Variants in NRG1 observed in about 807,000 individuals in gnomAD.
NRG1 encodes the protein pro-neuregulin-1, membrane-bound isoform.
A neutral mutation model predicts 63.8 loss-of-function variants in NRG1; 18 were observed. The observed-to-expected ratio is 0.28, with a 90% CI of 0.19 to 0.42. The LOEUF is 0.42. NRG1 is among the 10% of genes least tolerant of loss of function. The probability of loss-of-function intolerance (pLI) is 1.00; values close to 1 mark genes in which losing one functional copy is unlikely to be tolerated. For missense variants in NRG1, 762 were observed against 814.7 expected (o/e 0.94, Z 0.79); for synonymous variants, 302 against 301.3 (o/e 1.00, Z -0.02).
At chr8:32,584,254 A>G (rs1279011564) in intron 1 of NRG1, among the ~76,000 whole-genome samples, 1 of 152,054 alleles carries the variant, frequency 6.6e-6, no homozygotes, top group Non-Finnish European at 1.5e-5. Flanking sequence ...GTTTAATTTG[A>G]TTTTGGTTAT....
chr8:32,042,961 A>AGTGTGTGTGTGAGT (rs1554609383), intron 1 of NRG1, among the ~76,000 whole-genome samples: 7 of 140,008 alleles, frequency 5.0e-5, no homozygotes, highest in African/African-American at 1.8e-4. Context: ...GAAAGAGTGC[A>AGTGTGTGTGTGAGT]GTGTGTGTGT....
intron 1 of NRG1, among the ~76,000 whole-genome samples, chr8:32,277,578 A>G (rs752914612): frequency 4.6e-5 from 7 of 152,184 alleles, no homozygotes; most frequent in Non-Finnish European, 1.0e-4. Flanking sequence ...AATTTTCTTG[A>G]TAAACCTTCC....
chr8:31,898,300 C>T (rs890388351), intron 1 of NRG1, among the ~76,000 whole-genome samples: 3 of 152,122 alleles, frequency 2.0e-5, no homozygotes, highest in African/African-American at 7.2e-5. Context: ...TCTTTGACAA[C>T]TAATACATAT....
At chr8:31,907,929 A>G (rs1445275074) in intron 1 of NRG1, among the ~76,000 whole-genome samples, 13 of 152,162 alleles carry the variant, frequency 8.5e-5, no homozygotes, top group Admixed American at 6.6e-4. Context: ...AGCTTTGTAC[A>G]TACGAAGTTC....
At chr8:31,904,236 T>C (rs975528826) in intron 1 of NRG1, among the ~76,000 whole-genome samples, 5 of 152,144 alleles carry the variant, frequency 3.3e-5, no homozygotes, top group African/African-American at 4.8e-5. Context: ...AGTCAATCCA[T>C]ATGCTGCTTT....
At chr8:31,756,207 A>T (rs548912393) in intron 1 of NRG1, among the ~76,000 whole-genome samples, 2 of 152,250 alleles carry the variant, frequency 1.3e-5, no homozygotes, top group East Asian at 3.9e-4. Context: ...AGCTTTTTGT[A>T]TCATTTACTC....
intron 1 of NRG1, among the ~76,000 whole-genome samples, chr8:32,461,856 C>A (rs1259546578): frequency 6.6e-6 from 1 of 152,106 alleles, no homozygotes; most frequent in Non-Finnish European, 1.5e-5. Flanking sequence ...AATAGAATAG[C>A]CTTAGATATC....
At chr8:31,688,873 A>G (rs966938476) in intron 1 of NRG1, among the ~76,000 whole-genome samples, 1 of 152,182 alleles carries the variant, frequency 6.6e-6, no homozygotes, top group Non-Finnish European at 1.5e-5. Flanking sequence ...ACAGTTCTGG[A>G]GGTCAAAAGT....
chr8:32,707,286 C>T (rs1816672954), intron 5 of NRG1, among the ~76,000 whole-genome samples: 1 of 151,796 alleles, frequency 6.6e-6, no homozygotes, highest in African/African-American at 2.4e-5. Context: ...CAATATATGA[C>T]CTAAAATCAG....
At chr8:32,691,970 A>T (rs560046222) in intron 5 of NRG1, among the ~76,000 whole-genome samples, 2 of 152,326 alleles carry the variant, frequency 1.3e-5, no homozygotes, top group South Asian at 4.1e-4. Flanking sequence ...GTAGTGAAAT[A>T]CCTTTATTGA....
intron 1 of NRG1, among the ~76,000 whole-genome samples, chr8:32,257,938 A>G (rs1849917506): frequency 6.6e-6 from 1 of 152,232 alleles, no homozygotes; most frequent in Non-Finnish European, 1.5e-5. Flanking sequence ...ACCATGTGTT[A>G]AGTATAACCA....
In NRG1 at chr8:32,767,223, G is replaced by A. The variant is rs551193745; in HGVS notation, c.*2821G>A. The A allele has an allele frequency of 3.9e-5, 6 of 152,304 alleles. 1 individual carries two copies. The South Asian group carries it at 8.3e-4, about 21-fold the overall frequency. 9.4% of individuals were successfully genotyped at this position (152,304 alleles called of 1,614,324 possible). A position where few individuals can be genotyped will look rare whatever the true frequency, so the allele number is the denominator to read the frequency against. ...AAAATGGTCCTCTGTGTAGGTGAATGTGTCCCAAACCTGCTATCACTTTCT... is the reference window on the plus strand; with the variant it reads ...AAAATGGTCCTCTGTGTAGGTGAATATGTCCCAAACCTGCTATCACTTTCT... On this transcript the variant is annotated 3_prime_UTR_variant, in exon 12 of 12. Transcript: ENST00000356819.
chr8:32,622,070 G>C (rs1848432539), intron 5 of NRG1, among the ~76,000 whole-genome samples: 2 of 152,162 alleles, frequency 1.3e-5, no homozygotes, highest in South Asian at 4.1e-4. Flanking sequence ...GAAATGGGAA[G>C]AGCACAAATG....
intron 1 of NRG1, among the ~76,000 whole-genome samples, chr8:32,281,612 T>C (rs955272578): frequency 6.6e-6 from 1 of 152,102 alleles, no homozygotes; most frequent in Non-Finnish European, 1.5e-5. Context: ...GAACATGCAG[T>C]ATTTGGTTCT....
chr8:32,196,119 G>GTGTGTGTA lies in NRG1; in HGVS notation c.38-399702_38-399701insATGTGTGT, dbSNP rs951335669. Among the ~76,000 whole-genome samples the GTGTGTGTA allele has an allele frequency of 7.6e-4, 6 of 7,918 alleles. No individual in the cohort carries two copies. The Admixed American group carries it at 0.014, about 19-fold the overall frequency. The allele number at this position is 7,918 out of a possible 152,430, so 5.2% of individuals were successfully genotyped here. On this transcript the variant is annotated intron_variant, in intron 1 of 10. Transcript: ENST00000519301. Reference sequence around the variant, plus strand: ...AAATAATGTGCAGTAAAAACAATGAGTGTGTGTGTGTGTGTGTGTGTGTGT... The same window carrying GTGTGTGTA: ...AAATAATGTGCAGTAAAAACAATGAGTGTGTGTATGTGTGTGTGTGTGTGTGTGTGTGT...
At chr8:31,855,114 G>C (rs1443755381) in intron 1 of NRG1, among the ~76,000 whole-genome samples, 1 of 152,002 alleles carries the variant, frequency 6.6e-6, no homozygotes, top group African/African-American at 2.4e-5. Flanking sequence ...GAGTTCTGTA[G>C]ATGTCTATTA....
At chr8:31,948,120 A>C (rs973821001) in intron 1 of NRG1, among the ~76,000 whole-genome samples, 4 of 152,134 alleles carry the variant, frequency 2.6e-5, no homozygotes. Flanking sequence ...ATATATGTGT[A>C]TGTATAACAT....
chr8:31,717,305 G>A (rs144042384), intron 1 of NRG1, among the ~76,000 whole-genome samples: 3,940 of 151,952 alleles, frequency 0.026, 69 homozygotes, highest in Middle Eastern at 0.051. Context: ...TACTCGGGAG[G>A]CTGAGCCAGG....
intron 1 of NRG1, among the ~76,000 whole-genome samples, chr8:31,806,587 A>G (rs1487865592): frequency 6.6e-6 from 1 of 152,186 alleles, no homozygotes; most frequent in Non-Finnish European, 1.5e-5. Context: ...CATTTATTGC[A>G]TTGATTTTGA....
Sources: gnomAD v4.1 joint callset for allele counts (sites outside exome capture counted in the v4.1 genomes callset) on GRCh38, gnomAD v4.1.1 for gene constraint, MANE v1.5 for transcripts, NCBI Gene and HGNC (gene_info 2026-07-23, HGNC 2026-07-21) for gene names.